The following PREX2 variants were observed in gnomAD, a reference collection of about 807,000 sequenced individuals.
PREX2 encodes phosphatidylinositol-3,4,5-trisphosphate dependent Rac exchange factor 2.
PREX2 carries 107 observed loss-of-function variants against 203.2 expected under a neutral mutation model. That is an observed-to-expected ratio of 0.53 (90% CI 0.45 to 0.62). The LOEUF is 0.62. Ranked by LOEUF, PREX2 falls within the 20% of genes least tolerant of loss-of-function variation. The probability of loss-of-function intolerance (pLI) is 0.00; values close to 1 mark genes in which losing one functional copy is unlikely to be tolerated. For missense variants in PREX2, 1,777 were observed against 1,955.9 expected (o/e 0.91, Z 1.72); for synonymous variants, 672 against 663.6 (o/e 1.01, Z -0.19).
chr8:68,143,960 T>C (rs905570661), intron 33 of PREX2, among the ~76,000 whole-genome samples: 1 of 152,172 alleles, frequency 6.6e-6, no homozygotes, highest in Non-Finnish European at 1.5e-5. Context: ...TTTGCTCCAT[T>C]GTATTATCTT....
rs1808572565 is a variant in PREX2, at chr8:68,053,200, G to C, written c.1047G>C (p.Lys349Asn). ...GTATGGCAAAAACACCTGAAGAGAA[G>C]CATGAATGGTTTGAAGCTATTTTGA... ...FVCMAKTPEEKHEWFEAILKE... is the reference protein window; with the variant it reads ...FVCMAKTPEENHEWFEAILKE... Residue 349 changes from lysine to asparagine, a missense_variant, in exon 9 of 40, where the codon AAG becomes AAC. Physicochemically the swap from Lys to Asn is moderately conservative, Grantham distance 94. Coordinates refer to ENST00000288368, the MANE Select transcript of PREX2 (RefSeq NM_024870.4). The C allele has an allele frequency of 6.2e-7, 1 of 1,613,606 alleles. No homozygotes were observed. The highest frequency in any genetic ancestry group is 8.5e-7 in the Non-Finnish European group (1 of 1,179,744).
At chr8:68,030,431 A>C in intron 5 of PREX2, 66 bp from the exon 6 acceptor site, 1 of 1,459,520 alleles carries the variant, frequency 6.9e-7, no homozygotes, top group Non-Finnish European at 9.3e-7. Flanking sequence ...TTTCCTGGTC[A>C]GTCTGAACCT....
At chr8:67,975,503 A>G (rs984395127) in intron 1 of PREX2, among the ~76,000 whole-genome samples, 1 of 151,616 alleles carries the variant, frequency 6.6e-6, no homozygotes, top group African/African-American at 2.4e-5. Context: ...TTTATTGCCT[A>G]CCTTTCCAAG....
chr8:68,026,794 T>C (rs558916036), intron 4 of PREX2, among the ~76,000 whole-genome samples: 6 of 152,134 alleles, frequency 3.9e-5, no homozygotes, highest in Non-Finnish European at 8.8e-5. Flanking sequence ...CACTTGTCAG[T>C]TGCAGAGCCT....
intron 23 of PREX2, chr8:68,106,192 G>C: frequency 2.5e-6 from 1 of 405,122 alleles, no homozygotes. Flanking sequence ...TATGGTGGAT[G>C]CTGTTACCTA....
intron 1 of PREX2, among the ~76,000 whole-genome samples, chr8:68,003,376 T>G (rs1024242668): frequency 6.6e-6 from 1 of 152,200 alleles, no homozygotes; most frequent in African/African-American, 2.4e-5. Flanking sequence ...TTTCAGTATC[T>G]AAATATCTCA....
chr8:68,037,278 A>G (rs1808061319), intron 6 of PREX2, among the ~76,000 whole-genome samples: 2 of 152,236 alleles, frequency 1.3e-5, no homozygotes, highest in South Asian at 4.1e-4. Flanking sequence ...GAGCACACAT[A>G]TAGATCTTTA....
At chr8:68,048,853 G>A (rs1157627614) in intron 8 of PREX2, among the ~76,000 whole-genome samples, 1 of 151,796 alleles carries the variant, frequency 6.6e-6, no homozygotes, top group East Asian at 1.9e-4. Context: ...ACCAAAAATA[G>A]CATTTATTGT....
intron 35 of PREX2, among the ~76,000 whole-genome samples, chr8:68,173,273 A>G (rs1487411277): frequency 6.6e-6 from 1 of 152,190 alleles, no homozygotes; most frequent in African/African-American, 2.4e-5. Context: ...ATTCCAGGCC[A>G]TTTGAAAGGT....
In PREX2 at chr8:67,988,042, C is replaced by T. The variant is rs146694595; in HGVS notation, c.142-29804C>T. ...GAATAACCCGTTTCATTTTTGTTCC[C>T]TCGCAAAATGAATGCCTCATCCTTG... On this transcript the variant is annotated intron_variant, in intron 1 of 39. Coordinates refer to ENST00000288368, the MANE Select transcript of PREX2 (RefSeq NM_024870.4). 5.3e-5 allele frequency among the ~76,000 whole-genome samples: 8 copies of T among 152,310 alleles called. No individual in the cohort carries two copies. The East Asian group carries it at 1.5e-3, about 29-fold the overall frequency.
chr8:68,112,734 A>G (rs1810559563), intron 25 of PREX2, among the ~76,000 whole-genome samples: 1 of 152,152 alleles, frequency 6.6e-6, no homozygotes, highest in South Asian at 2.1e-4. Context: ...AGTTAGATGC[A>G]GGGAGAGGAA....
intron 1 of PREX2, among the ~76,000 whole-genome samples, chr8:67,993,830 G>A (rs1176729569): frequency 3.3e-5 from 5 of 152,090 alleles, no homozygotes; most frequent in African/African-American, 4.8e-5. Flanking sequence ...CGTTCTATCG[G>A]CAATCTAATT....
chr8:68,087,290 G>A (rs1020968723), intron 18 of PREX2, among the ~76,000 whole-genome samples: 1 of 152,132 alleles, frequency 6.6e-6, no homozygotes, highest in Non-Finnish European at 1.5e-5. Context: ...GGGAGACTGA[G>A]GTAGGAGGAT....
intron 33 of PREX2, among the ~76,000 whole-genome samples, chr8:68,140,449 T>C (rs1811204971): frequency 6.6e-6 from 1 of 152,202 alleles, no homozygotes; most frequent in South Asian, 2.1e-4. Flanking sequence ...TCATCACATC[T>C]TATTTAAGTG....
chr8:68,090,853 A>G, intron 20 of PREX2, 138 bp downstream of exon 20: 1 of 580,894 alleles, frequency 1.7e-6, no homozygotes, highest in East Asian at 2.9e-5. Flanking sequence ...TAAATCTCAT[A>G]ATGATTGCTT....
Position 68,231,501 on chromosome 8 carries a change from A to C in PREX2, c.*123A>C, listed in dbSNP as rs547624018. The C allele has an allele frequency of 2.9e-6, 2 of 694,922 alleles. No homozygotes were observed. The highest frequency in any genetic ancestry group is 1.9e-5 in the African/African-American group (1 of 52,166). 43.0% of individuals were successfully genotyped at this position (694,922 alleles called of 1,614,324 possible). A position where few individuals can be genotyped will look rare whatever the true frequency, so the allele number is the denominator to read the frequency against. Reference sequence around the variant, plus strand: ...GCTTTTTTTTTTTTTTTTTTCTGTAAATCTTTCTTCCCATTGCAAACAAGT... The same window carrying C: ...GCTTTTTTTTTTTTTTTTTTCTGTACATCTTTCTTCCCATTGCAAACAAGT... On this transcript the variant is annotated 3_prime_UTR_variant, in exon 40 of 40. Coordinates refer to ENST00000288368, the MANE Select transcript of PREX2 (RefSeq NM_024870.4).
intron 1 of PREX2, among the ~76,000 whole-genome samples, chr8:67,989,948 C>T (rs901890360): frequency 2.6e-5 from 4 of 151,984 alleles, no homozygotes; most frequent in African/African-American, 9.7e-5. Context: ...AGTTTTAAGG[C>T]TTTGTAAACT....
chr8:68,069,965 C>A, intron 13 of PREX2, 81 bp downstream of exon 13: 1 of 709,232 alleles, frequency 1.4e-6, no homozygotes, highest in Non-Finnish European at 2.3e-6. Context: ...TCAGCCAGAA[C>A]TTGTTGGCTT....
chr8:68,044,700 A>G (rs1188896575), intron 8 of PREX2, 110 bp downstream of exon 8: 2 of 760,254 alleles, frequency 2.6e-6, no homozygotes, highest in Non-Finnish European at 4.4e-6. Context: ...GAGCTTAGAA[A>G]TACTTTGTTA....
Sources: gnomAD v4.1 joint callset for allele counts (sites outside exome capture counted in the v4.1 genomes callset) on GRCh38, gnomAD v4.1.1 for gene constraint, MANE v1.5 for transcripts, NCBI Gene and HGNC (gene_info 2026-07-23, HGNC 2026-07-21) for gene names.